Variants in GALNT17 observed in about 807,000 individuals in gnomAD.
GALNT17 encodes UDP-GalNAc:polypeptide N-acetylgalactosaminyltransferase-like 3.
In GALNT17, 29 loss-of-function variants were observed where a neutral mutation model predicts 63.7. The observed-to-expected ratio is 0.46, with a 90% confidence interval of 0.34 to 0.62. The LOEUF is 0.62. GALNT17 is among the 20% of genes least tolerant of loss of function. GALNT17 has a pLI of 0.01. For missense variants in GALNT17, 603 were observed against 799.6 expected, an observed-to-expected ratio of 0.75 and a Z score of 2.97; for synonymous variants, 305 against 318.3, an observed-to-expected ratio of 0.96 and a Z score of 0.45.
At chr7:71,711,913 T>TTGTCATTTTCTCTC in intron 10 of GALNT17, 105 bp from the exon 11 acceptor site, 1 of 1,292,652 alleles carries the variant, frequency 7.7e-7, no homozygotes, top group Admixed American at 2.2e-5. Flanking sequence ...CTTTTTCTCT[T>TTGTCATTTTCTCTC]TGTCATTTTC....
intron 2 of GALNT17, among the ~76,000 whole-genome samples, chr7:71,377,688 T>G (rs1792769427): frequency 6.6e-6 from 1 of 152,184 alleles, no homozygotes; most frequent in Non-Finnish European, 1.5e-5. Flanking sequence ...TCCCCATGTG[T>G]CAAGGGAGGG....
At chr7:71,569,399 A>G (rs909659426) in intron 5 of GALNT17, among the ~76,000 whole-genome samples, 8 of 152,140 alleles carry the variant, frequency 5.3e-5, no homozygotes, top group African/African-American at 1.9e-4. Flanking sequence ...AGAGTACCCA[A>G]TAGGTAGTTT....
intron 1 of GALNT17, among the ~76,000 whole-genome samples, chr7:71,288,556 G>A (rs952083859): frequency 3.9e-5 from 6 of 152,114 alleles, no homozygotes; most frequent in Admixed American, 3.9e-4. Flanking sequence ...CTCTGATTTC[G>A]GAAGCAGGTT....
chr7:71,214,371 G>T (rs1562921242), intron 1 of GALNT17, among the ~76,000 whole-genome samples: 1 of 152,160 alleles, frequency 6.6e-6, no homozygotes, highest in Admixed American at 6.5e-5. Context: ...CTGAGAAAAG[G>T]CTTGTTTGTT....
At chr7:71,658,739 T>C (rs1790865262) in intron 6 of GALNT17, among the ~76,000 whole-genome samples, 1 of 152,078 alleles carries the variant, frequency 6.6e-6, no homozygotes, top group Non-Finnish European at 1.5e-5. Context: ...AATACAACAA[T>C]TAGCCGTCCA....
intron 1 of GALNT17, among the ~76,000 whole-genome samples, chr7:71,334,706 A>C (rs974545188): frequency 7.9e-5 from 12 of 152,200 alleles, no homozygotes; most frequent in Non-Finnish European, 1.0e-4. Flanking sequence ...CTCCAAGTCT[A>C]CTTGGCACTG....
intron 1 of GALNT17, among the ~76,000 whole-genome samples, chr7:71,206,395 C>A (rs1789272584): frequency 6.6e-6 from 1 of 151,972 alleles, no homozygotes; most frequent in South Asian, 2.1e-4. Context: ...CATGATCTCC[C>A]CTGACTTGGC....
rs576532915 is a variant in GALNT17, at chr7:71,242,426, G to A, written c.239-93124G>A. Reference sequence around the variant, plus strand: ...TGGGACTACAGGCGCCTACCACCACGCCCGGCTAATTTTTTGTATTTTTAG... The same window carrying A: ...TGGGACTACAGGCGCCTACCACCACACCCGGCTAATTTTTTGTATTTTTAG... On this transcript the variant is annotated intron_variant, in intron 1 of 10. Transcript: ENST00000333538. 9.8e-4 allele frequency among the ~76,000 whole-genome samples: 149 copies of A among 151,536 alleles called. 4 individuals are homozygous for A. In the South Asian group the frequency reaches 0.03, roughly 31 times the overall value.
intron 1 of GALNT17, among the ~76,000 whole-genome samples, chr7:71,228,979 C>T (rs542655027): frequency 1.3e-5 from 2 of 152,136 alleles, no homozygotes; most frequent in Non-Finnish European, 2.9e-5. Context: ...TGTTCAGTTC[C>T]CCTATGCCTG....
intron 1 of GALNT17, among the ~76,000 whole-genome samples, chr7:71,188,196 C>G (rs1050866411): frequency 1.3e-4 from 19 of 151,528 alleles, no homozygotes; most frequent in African/African-American, 4.4e-4. Flanking sequence ...AACGTGTGTG[C>G]AAGTATCTTT....
intron 9 of GALNT17, among the ~76,000 whole-genome samples, chr7:71,693,907 CG>C (rs1428252436): frequency 6.6e-6 from 1 of 151,678 alleles, no homozygotes; most frequent in Non-Finnish European, 1.5e-5. Flanking sequence ...TGGGTGAGGT[CG>C]GGGAAGCTAA....
At chr7:71,388,823 G>C (rs144283378) in intron 3 of GALNT17, among the ~76,000 whole-genome samples, 2 of 151,910 alleles carry the variant, frequency 1.3e-5, no homozygotes, top group African/African-American at 4.8e-5. Flanking sequence ...CACCGTGCCC[G>C]GCCCAAGATT....
At chr7:71,559,698 C>T (rs1012877681) in intron 5 of GALNT17, among the ~76,000 whole-genome samples, 3 of 151,794 alleles carry the variant, frequency 2.0e-5, no homozygotes, top group African/African-American at 7.3e-5. Flanking sequence ...CTTGTTTCTA[C>T]CAAAAGGAAA....
chr7:71,491,642 T>C lies in GALNT17; in HGVS notation c.962+70537T>C, dbSNP rs191302038. Reference sequence around the variant, plus strand: ...CCATCCTGATGCAATCAGAAGAGAATTTGGATCTAAACCAGCTGTTCTCAA... The same window carrying C: ...CCATCCTGATGCAATCAGAAGAGAACTTGGATCTAAACCAGCTGTTCTCAA... On this transcript the variant is annotated intron_variant, in intron 5 of 10. Coordinates refer to ENST00000333538, the MANE Select transcript of GALNT17 (RefSeq NM_022479.3). 2.7e-4 allele frequency among the ~76,000 whole-genome samples: 41 copies of C among 152,192 alleles called. No individual in the cohort carries two copies. In the East Asian group the frequency reaches 7.9e-3, roughly 29 times the overall value.
chr7:71,628,615 G>T (rs1790410592), intron 6 of GALNT17, among the ~76,000 whole-genome samples: 1 of 152,138 alleles, frequency 6.6e-6, no homozygotes, highest in South Asian at 2.1e-4. Context: ...GAGCCACCAT[G>T]CCCAGCCAAT....
At chr7:71,706,986 G>C (rs599104) in intron 9 of GALNT17, among the ~76,000 whole-genome samples, 150,073 of 152,318 alleles carry the variant, frequency 0.99, 73,961 homozygotes, top group East Asian at 1. Context: ...AGCCAACCAT[G>C]AGGTATTCGG....
At chr7:71,568,070 T>G (rs1219909501) in intron 5 of GALNT17, among the ~76,000 whole-genome samples, 3 of 152,198 alleles carry the variant, frequency 2.0e-5, no homozygotes, top group Non-Finnish European at 2.9e-5. Flanking sequence ...CAGTGGAGTT[T>G]CAATGGACCT....
At chr7:71,353,932 G>A (rs889100517) in intron 2 of GALNT17, among the ~76,000 whole-genome samples, 2 of 152,122 alleles carry the variant, frequency 1.3e-5, no homozygotes, top group African/African-American at 2.4e-5. Flanking sequence ...CTGGGCCTCC[G>A]GGGAGGCCTC....
In GALNT17 at chr7:71,258,834, G is replaced by T. The variant is rs531336315; in HGVS notation, c.239-76716G>T. ...TTGGGAAAACCTTTACAGAGAGGAT[G>T]ATATTTATGCTGAGTTTTGAGGTAT... is the stretch of plus-strand genomic sequence containing the variant. On this transcript the variant is annotated intron_variant, in intron 1 of 10. Coordinates refer to ENST00000333538, the MANE Select transcript of GALNT17 (RefSeq NM_022479.3). Among the ~76,000 whole-genome samples the T allele has an allele frequency of 2.0e-5, 3 of 152,358 alleles. No homozygotes were observed. The East Asian group carries it at 5.8e-4, about 29-fold the overall frequency.
Sources: gnomAD v4.1 joint callset for allele counts (sites outside exome capture counted in the v4.1 genomes callset) on GRCh38, gnomAD v4.1.1 for gene constraint, MANE v1.5 for transcripts, NCBI Gene and HGNC (gene_info 2026-07-23, HGNC 2026-07-21) for gene names.